TMEM161A: variants seen among roughly 807,000 people sequenced by gnomAD.
TMEM161A encodes the protein adaptive response to oxidative stress protein 29.
Under a neutral mutation model 57.1 loss-of-function variants are expected in TMEM161A, and 46 were observed. The observed-to-expected ratio is 0.81, with a 90% confidence interval of 0.64 to 1.03. TMEM161A has a LOEUF of 1.03. Ranked by LOEUF, TMEM161A falls within the 50% of genes least tolerant of loss-of-function variation. The probability of loss-of-function intolerance (pLI) is 0.00; values close to 1 mark genes in which losing one functional copy is unlikely to be tolerated. For missense variants in TMEM161A, 601 were observed against 621.5 expected (o/e 0.97, Z 0.35); for synonymous variants, 288 against 279.0 (o/e 1.03, Z -0.32).
intron 2 of TMEM161A, 95 bp downstream of exon 2, chr19:19,134,689 C>A (rs1022358721): frequency 3.3e-6 from 3 of 914,298 alleles, no homozygotes; most frequent in Non-Finnish European, 5.0e-6. Flanking sequence ...ACCCACCAAC[C>A]AAAATCAAGG....
In TMEM161A at chr19:19,133,166, AG is replaced by A; in HGVS notation, c.151del (p.Leu51TrpfsTer94). 2.5e-6 allele frequency: 4 copies of A among 1,614,118 alleles called. No individual in the cohort carries two copies. The highest frequency in any genetic ancestry group is 3.4e-6 in the Non-Finnish European group (4 of 1,179,990). ...GCCTCTGGGCCTCGGCTTCCCCGCCAGGGCCCGAAGCTCCTCCTCAGACGGG... is the reference window on the plus strand; with the variant it reads ...GCCTCTGGGCCTCGGCTTCCCCGCCAGGCCCGAAGCTCCTCCTCAGACGGG... ...KHPSEEELRALAGKPRPRGRK... is the reference protein window; with the variant it reads ...KHPSEEELRAXAGKPRPRGRK... On this transcript the variant is annotated frameshift_variant, in exon 3 of 12. Coordinates refer to ENST00000162044, the MANE Select transcript of TMEM161A (RefSeq NM_017814.3). LOFTEE classifies it high-confidence loss of function.
At chr19:19,127,015 A>C (rs1028038840) in intron 6 of TMEM161A, among the ~76,000 whole-genome samples, 1 of 152,122 alleles carries the variant, frequency 6.6e-6, no homozygotes, top group Non-Finnish European at 1.5e-5. Flanking sequence ...CCACCACTGC[A>C]CTCCAGCCAG....
chr19:19,120,602 C>T (rs1295867690), intron 11 of TMEM161A, among the ~76,000 whole-genome samples, 163 bp downstream of exon 11: 5 of 151,846 alleles, frequency 3.3e-5, no homozygotes, highest in South Asian at 2.1e-4. Context: ...GCAAGCCCCA[C>T]TCCAGGCTCC....
intron 5 of TMEM161A, chr19:19,130,522 ACCG>A: frequency 1.7e-6 from 1 of 595,366 alleles, no homozygotes; most frequent in Non-Finnish European, 3.0e-6. Context: ...TCATCAGGCC[ACCG>A]TGTCTGTACA....
rs2059965724 is a variant in TMEM161A at position 19,132,902 on chromosome 19, C to T, written c.189-148G>A. 10 of 759,478 alleles carry T rather than the reference C, an allele frequency of 1.3e-5. No individual in the cohort carries two copies. The highest frequency in any genetic ancestry group is 3.8e-4 in the Middle Eastern group (1 of 2,640). 47.0% of individuals were successfully genotyped at this position (759,478 alleles called of 1,614,324 possible). ...CACTGGGATATGGGGATCCCCCCAC[C>T]CACCCACAGGACTGGCTAGAGCAAA... On this transcript the variant is annotated intron_variant, in intron 3 of 11. Transcript: ENST00000162044. The surrounding 1 kb of genome is among the most constrained non-coding windows in gnomAD (Gnocchi z 4.3).
In TMEM161A at chr19:19,121,982, TAGTTACAC is replaced by T. The variant is rs2059913343; in HGVS notation, c.596-171_596-164del. ...CAGGCACAAGGACAATTTTGTGCTC[TAGTTACAC>T]AGTACTTTTTACAAGAAACAAGATT... On this transcript the variant is annotated intron_variant, in intron 6 of 11. Transcript: ENST00000162044. The surrounding 1 kb of genome is among the most constrained non-coding windows in gnomAD (Gnocchi z 5.8). 6.6e-6 allele frequency among the ~76,000 whole-genome samples: 1 copy of T among 152,182 alleles called. No individual in the cohort carries two copies. Among genetic ancestry groups the T allele is most frequent in the African/African-American group, 2.4e-5 (1 of 41,448 alleles).
In TMEM161A at chr19:19,132,613, C is replaced by G. The variant is rs535229434; in HGVS notation, c.286+44G>C. The G allele has an allele frequency of 1.3e-6, 2 of 1,561,274 alleles. No individual in the cohort carries two copies. Among genetic ancestry groups the G allele is most frequent in the South Asian group, 2.4e-5 (2 of 82,082 alleles). ...ACCCCCATGAGGGTGTGGAGACCTT[C>G]AGGGCTGAGGGAGTAGAGTTTAGGG... On this transcript the variant is annotated intron_variant, in intron 4 of 11. Transcript: ENST00000162044. The surrounding 1 kb of genome is among the most constrained non-coding windows in gnomAD (Gnocchi z 4.3).
chr19:19,135,583 G>C (rs2059981516), intron 1 of TMEM161A, among the ~76,000 whole-genome samples: 1 of 151,968 alleles, frequency 6.6e-6, no homozygotes, highest in African/African-American at 2.4e-5. Context: ...TTTGGCAAGG[G>C]AGTGGTGGGG....
chr19:19,134,507 C>T (rs1251042133), intron 2 of TMEM161A, among the ~76,000 whole-genome samples: 1 of 152,116 alleles, frequency 6.6e-6, no homozygotes, highest in East Asian at 1.9e-4. Flanking sequence ...GAGATTGAGG[C>T]AGGAGGGTCA....
chr19:19,119,866 GGGCA>G lies in TMEM161A; in HGVS notation c.*60_*63del. On this transcript the variant is annotated 3_prime_UTR_variant, in exon 12 of 12. Coordinates refer to ENST00000162044, the MANE Select transcript of TMEM161A (RefSeq NM_017814.3). Reference sequence around the variant, plus strand: ...GGGGACACGGGGGCGCAAACAGAGGGGGCAGGCTAGTGTCCCGCTGCCCCAGGAA... The same window carrying G: ...GGGGACACGGGGGCGCAAACAGAGGGGGCTAGTGTCCCGCTGCCCCAGGAA... The G allele has an allele frequency of 6.6e-7, 1 of 1,522,076 alleles. No individual in the cohort carries two copies. The highest frequency in any genetic ancestry group is 8.8e-7 in the Non-Finnish European group (1 of 1,130,632). 94.3% of individuals were successfully genotyped at this position (1,522,076 alleles called of 1,614,324 possible). A position where few individuals can be genotyped will look rare whatever the true frequency, so the allele number is the denominator to read the frequency against.
At chr19:19,137,330 C>A (rs1568540683) in intron 1 of TMEM161A, among the ~76,000 whole-genome samples, 1 of 152,122 alleles carries the variant, frequency 6.6e-6, no homozygotes, top group Non-Finnish European at 1.5e-5. Flanking sequence ...AATGACCCCA[C>A]CACCCCCCAA....
chr19:19,123,140 C>G (rs1325173286), intron 6 of TMEM161A, among the ~76,000 whole-genome samples: 1 of 152,050 alleles, frequency 6.6e-6, no homozygotes, highest in Non-Finnish European at 1.5e-5. Flanking sequence ...GATTCCAACT[C>G]AGAAAAACAA....
chr19:19,134,986 G>C (rs990988838), intron 1 of TMEM161A, 99 bp from the exon 2 acceptor site: 1 of 849,364 alleles, frequency 1.2e-6, no homozygotes, highest in African/African-American at 1.7e-5. Context: ...CAGGCTGGAT[G>C]GGGGAAGGGC....
chr19:19,135,345 C>T (rs1723607775), intron 1 of TMEM161A, among the ~76,000 whole-genome samples: 2 of 152,204 alleles, frequency 1.3e-5, no homozygotes, highest in South Asian at 4.2e-4. Context: ...GGAGCCACTG[C>T]GTCTCGGTTG....
intron 6 of TMEM161A, among the ~76,000 whole-genome samples, chr19:19,126,827 G>A (rs1477660857): frequency 1.3e-5 from 2 of 152,116 alleles, no homozygotes; most frequent in East Asian, 3.9e-4. Context: ...CCAAGATCAT[G>A]CCACTGTACT....
At position 19,119,673 on chromosome 19, in the gene TMEM161A, T is replaced by C. The variant is rs11729; in HGVS notation, c.*257A>G. Reference sequence around the variant, plus strand: ...TCAGAAGAGCAGCCAGCATCACCCTTGCCACTCAAACCTGGCACATACGCT... The same window carrying C: ...TCAGAAGAGCAGCCAGCATCACCCTCGCCACTCAAACCTGGCACATACGCT... On this transcript the variant is annotated 3_prime_UTR_variant, in exon 12 of 12. Transcript: ENST00000162044. 0.85 allele frequency: 450,366 copies of C among 532,342 alleles called. 191,074 individuals carry two copies. The highest frequency in any genetic ancestry group is 0.93 in the East Asian group (30,162 of 32,414). The allele number at this position is 532,342 out of a possible 1,614,324, so 33.0% of individuals were successfully genotyped here.
In TMEM161A at chr19:19,120,117, G is replaced by T. The variant is rs769214375; in HGVS notation, c.1253C>A (p.Ala418Asp). Residue 418 changes from alanine (A) to aspartate (D), a missense_variant, in exon 12 of 12, where the codon GCC (alanine) becomes GAC (aspartate). Transcript: ENST00000162044. The part of the protein sequence containing the change: ...LSPDPSSASA[A>D]PIGSGEDEVQ... ...TTCGTCCTCCCCAGAGCCGATGGGGGCAGCGCTGGCTGAGGATGGGTCGGG... is the reference window on the plus strand; with the variant it reads ...TTCGTCCTCCCCAGAGCCGATGGGGTCAGCGCTGGCTGAGGATGGGTCGGG... 6.4e-7 allele frequency: 1 copy of T among 1,569,136 alleles called. No homozygotes were observed. Among genetic ancestry groups the T allele is most frequent in the East Asian group, 2.3e-5 (1 of 42,778 alleles).
chr19:19,120,121 C>A lies in TMEM161A; in HGVS notation c.1249G>T (p.Ala417Ser), dbSNP rs372352382. The part of the protein sequence containing the change: ...LLSPDPSSAS[A>S]APIGSGEDEV... Reference sequence around the variant, plus strand: ...TCCTCCCCAGAGCCGATGGGGGCAGCGCTGGCTGAGGATGGGTCGGGGGAT... The same window carrying A: ...TCCTCCCCAGAGCCGATGGGGGCAGAGCTGGCTGAGGATGGGTCGGGGGAT... The change falls in exon 12 of 12, where the codon GCT (alanine) becomes TCT (serine). Residue 417 changes from alanine to serine, a missense_variant. By Grantham distance (99) the Ala-to-Ser change is moderately conservative (BLOSUM62 1). Coordinates refer to ENST00000162044, the MANE Select transcript of TMEM161A (RefSeq NM_017814.3). 6.4e-7 allele frequency: 1 copy of A among 1,568,100 alleles called. No individual in the cohort carries two copies. Among genetic ancestry groups the A allele is most frequent in the Non-Finnish European group, 8.6e-7 (1 of 1,156,712 alleles).
intron 1 of TMEM161A, among the ~76,000 whole-genome samples, chr19:19,137,237 C>T (rs2059988871): frequency 6.6e-6 from 1 of 152,156 alleles, no homozygotes; most frequent in Non-Finnish European, 1.5e-5. Context: ...TCCACCTCCC[C>T]ACAGCTCAGC....
Sources: gnomAD v4.1 joint callset for allele counts (sites outside exome capture counted in the v4.1 genomes callset) on GRCh38, gnomAD v4.1.1 for gene constraint, Gnocchi (gnomAD v3.1) non-coding constraint, MANE v1.5 for transcripts, NCBI Gene and HGNC (gene_info 2026-07-23, HGNC 2026-07-21) for gene names.